The following GIGYF2 variants were observed in gnomAD, a reference collection of about 807,000 sequenced individuals.
GIGYF2 encodes the protein GRB10 interacting GYF protein 2, also known as GRB10-interacting GYF protein 2.
A neutral mutation model predicts 208.1 loss-of-function variants in GIGYF2; 25 were observed. The ratio of observed to expected loss-of-function variants is 0.12; its 90% CI spans 0.09 to 0.17. The LOEUF is 0.17. Among genes scored for constraint, GIGYF2 ranks in the 10% least tolerant of loss-of-function variants. GIGYF2 has a pLI of 1.00. For synonymous variants in GIGYF2, 534 were observed against 543.8 expected (o/e 0.98, Z 0.25); for missense variants, 1,302 against 1,579.4 (o/e 0.82, Z 2.98).
intron 23 of GIGYF2, among the ~76,000 whole-genome samples, chr2:232,841,571 T>C (rs890463757): frequency 6.6e-6 from 1 of 151,708 alleles, no homozygotes; most frequent in African/African-American, 2.4e-5. Context: ...CGCCTCGGCC[T>C]CCCAAAGTGC....
At chr2:232,709,998 C>T (rs1003712406) in intron 2 of GIGYF2, among the ~76,000 whole-genome samples, 26 of 151,642 alleles carry the variant, frequency 1.7e-4, no homozygotes, top group African/African-American at 6.3e-4. Flanking sequence ...CTTGCTTTGT[C>T]GCCCAGGCTG....
intron 9 of GIGYF2, among the ~76,000 whole-genome samples, chr2:232,790,108 T>C (rs1700027557): frequency 6.6e-6 from 1 of 152,158 alleles, no homozygotes; most frequent in South Asian, 2.1e-4. Flanking sequence ...GATAGTGAAC[T>C]TCATAAAATC....
At chr2:232,815,553 G>A in intron 18 of GIGYF2, 84 bp from the exon 19 acceptor site, 2 of 795,466 alleles carry the variant, frequency 2.5e-6, no homozygotes, top group South Asian at 2.9e-5. Context: ...GCACAGGGAA[G>A]CAGCTTTTTT....
In GIGYF2 at chr2:232,809,794, C is replaced by A; in HGVS notation, c.1881C>A (p.Tyr627Ter). 6.3e-7 allele frequency: 1 copy of A among 1,593,750 alleles called. No individual in the cohort carries two copies. The highest frequency in any genetic ancestry group is 8.6e-7 in the Non-Finnish European group (1 of 1,161,398). The change falls in exon 16 of 29, where the codon TAC becomes TAA. Residue 627 changes from tyrosine (Y) to a stop codon, truncating the protein, a stop_gained. Coordinates refer to ENST00000373563, the MANE Select transcript of GIGYF2 (RefSeq NM_001103146.3). LOFTEE classifies it high-confidence loss of function. The stretch of plus-strand genomic sequence containing the variant: ...TATACCAGATGCAGCACCTGCAGTA[C>A]CAGCAGTTTTTAATACAGTAAGAAG... ...TALYQMQHLQ[Y>*]QQFLIQQQYA...
intron 19 of GIGYF2, among the ~76,000 whole-genome samples, chr2:232,816,128 T>C (rs1338465167): frequency 1.3e-5 from 2 of 152,228 alleles, no homozygotes; most frequent in African/African-American, 2.4e-5. Flanking sequence ...TTTGTTTATA[T>C]TTCTTAGTAT....
intron 20 of GIGYF2, 33 bp downstream of exon 20, chr2:232,817,065 G>C (rs758075804): frequency 1.3e-6 from 2 of 1,515,540 alleles, no homozygotes; most frequent in Non-Finnish European, 1.8e-6. Flanking sequence ...CATAGGATTA[G>C]TGCTTGATGA....
intron 22 of GIGYF2, among the ~76,000 whole-genome samples, chr2:232,836,601 A>G (rs1229947483): frequency 2.7e-5 from 4 of 148,892 alleles, no homozygotes. Context: ...CTTGGGGCAT[A>G]CACTGACAGA....
rs748470696 is a variant in GIGYF2, at chr2:232,847,510, AGCT to A, written c.3626_3628del (p.Leu1209del). 43 of 1,377,638 alleles carry A rather than the reference AGCT, an allele frequency of 3.1e-5. 1 individual carries two copies. The East Asian group carries it at 4.7e-4, about 15-fold the overall frequency. The allele number at this position is 1,377,638 out of a possible 1,614,324, so 85.3% of individuals were successfully genotyped here. On this transcript the variant is annotated inframe_deletion, in exon 27 of 29. Coordinates refer to ENST00000373563, the MANE Select transcript of GIGYF2 (RefSeq NM_001103146.3). ...GCCAACCAGCAGCGTCAGCAGCAGC[AGCT>A]GCCACAGCAGCAGCAGCAGCAGCCG...
intron 21 of GIGYF2, among the ~76,000 whole-genome samples, chr2:232,826,761 A>G (rs922565344): frequency 1.3e-5 from 2 of 152,236 alleles, no homozygotes; most frequent in East Asian, 1.9e-4. Flanking sequence ...TCTACCCTAG[A>G]TAAAATGCTA....
At chr2:232,805,166 G>A (rs1191584469) in intron 14 of GIGYF2, among the ~76,000 whole-genome samples, 1 of 152,114 alleles carries the variant, frequency 6.6e-6, no homozygotes, top group Admixed American at 6.5e-5. Context: ...TGTATGTTCT[G>A]TGGGTAGTTG....
chr2:232,732,548 T>C (rs1247549629), intron 2 of GIGYF2, among the ~76,000 whole-genome samples: 1 of 152,118 alleles, frequency 6.6e-6, no homozygotes, highest in East Asian at 1.9e-4. Context: ...CCAGTAGCAG[T>C]TGTAACTTGG....
intron 18 of GIGYF2, among the ~76,000 whole-genome samples, chr2:232,814,301 G>T (rs895855703): frequency 3.3e-5 from 5 of 151,678 alleles, no homozygotes; most frequent in Non-Finnish European, 7.4e-5. Context: ...GGTGGCTCAC[G>T]CCTGTAATCC....
At chr2:232,782,909 C>A (rs1699767888) in intron 8 of GIGYF2, 1 of 152,048 alleles carries the variant, frequency 6.6e-6, no homozygotes, top group Non-Finnish European at 1.5e-5. Flanking sequence ...TCCTTAAAAT[C>A]TTTTTTTAAA....
Position 232,697,367 on chromosome 2 carries a change from C to CA in GIGYF2, c.-135_-134insA, listed in dbSNP as rs1695635755. 1 of 152,380 alleles carries CA rather than the reference C, an allele frequency of 6.6e-6. No homozygotes were observed. The highest frequency in any genetic ancestry group is 1.5e-5 in the Non-Finnish European group (1 of 68,200). 9.4% of individuals were successfully genotyped at this position (152,380 alleles called of 1,614,324 possible). A position where few individuals can be genotyped will look rare whatever the true frequency, so the allele number is the denominator to read the frequency against. ...TTGAGGCTGAGGACTGACTGGGGTT[C>CA]TGAGACTCCCTGTCCCGGACCGCAG... On this transcript the variant is annotated 5_prime_UTR_variant, in exon 1 of 29. The change creates a new upstream start codon in the 5' untranslated region. Coordinates refer to ENST00000373563, the MANE Select transcript of GIGYF2 (RefSeq NM_001103146.3).
intron 2 of GIGYF2, among the ~76,000 whole-genome samples, chr2:232,726,898 GT>G (rs1697226325): frequency 6.6e-6 from 1 of 152,234 alleles, no homozygotes; most frequent in Admixed American, 6.5e-5. Flanking sequence ...ATAAAAGGTT[GT>G]TTATTGCAGC....
intron 2 of GIGYF2, among the ~76,000 whole-genome samples, chr2:232,717,180 C>A (rs1038937182): frequency 6.6e-6 from 1 of 152,094 alleles, no homozygotes; most frequent in South Asian, 2.1e-4. Flanking sequence ...GGCATAGTAG[C>A]TCATACCTGT....
Position 232,787,153 on chromosome 2 carries a change from G to A in GIGYF2, c.536G>A (p.Arg179Lys), listed in dbSNP as rs1321924047. The A allele has an allele frequency of 6.2e-7, 1 of 1,612,564 alleles. No individual in the cohort carries two copies. Among genetic ancestry groups the A allele is most frequent in the Admixed American group, 1.7e-5 (1 of 60,006 alleles). The change falls in exon 9 of 29, where the codon AGA becomes AAA. Residue 179 changes from arginine to lysine, a missense_variant. Physicochemically the swap from Arg to Lys is conservative, Grantham distance 26. Coordinates refer to ENST00000373563, the MANE Select transcript of GIGYF2 (RefSeq NM_001103146.3). ...TACCATATTATTTTCTTTATAGGGA[G>A]ACCAAATTTTGAGGAAGGTGGACCA... The part of the protein sequence containing the change: ...FEKPGRKDVG[R>K]PNFEEGGPTS...
At position 232,836,243 on chromosome 2, in the gene GIGYF2, A is replaced by T. The variant is rs572586791; in HGVS notation, c.2766+3150A>T. Reference sequence around the variant, plus strand: ...GGAATTCAGTACCAGCCTGGGCAACATGGTGAAACCCCATCTCTACATATA... The same window carrying T: ...GGAATTCAGTACCAGCCTGGGCAACTTGGTGAAACCCCATCTCTACATATA... On this transcript the variant is annotated intron_variant, in intron 22 of 28. Transcript: ENST00000373563. Among the ~76,000 whole-genome samples the T allele has an allele frequency of 1.4e-4, 17 of 124,670 alleles. 2 individuals carry two copies. In the South Asian group the frequency reaches 4.9e-3, roughly 36 times the overall value. 81.8% of individuals were successfully genotyped at this position (124,670 alleles called of 152,430 possible). A position where few individuals can be genotyped will look rare whatever the true frequency, so the allele number is the denominator to read the frequency against.
Position 232,768,480 on chromosome 2 carries a change from A to G in GIGYF2, c.532+7044A>G, listed in dbSNP as rs1407691972. The G allele has an allele frequency of 1.2e-6, 2 of 1,614,088 alleles. No homozygotes were observed. Among genetic ancestry groups the G allele is most frequent in the African/African-American group, 2.7e-5 (2 of 74,942 alleles). Reference sequence around the variant, plus strand: ...TGCTGAAAGGAATACAACTAATTCAAAGTGAGAAGGATTTTCATGCTGGAG... The same window carrying G: ...TGCTGAAAGGAATACAACTAATTCAGAGTGAGAAGGATTTTCATGCTGGAG... On this transcript the variant is annotated intron_variant, in intron 8 of 28. Transcript: ENST00000373563.
Sources: allele counts gnomAD v4.1 joint callset (sites outside exome capture counted in the v4.1 genomes callset), GRCh38; gene constraint gnomAD v4.1.1; transcripts MANE v1.5; gene names NCBI Gene and HGNC (gene_info 2026-07-23, HGNC 2026-07-21).